Variants in REPIN1 observed in about 807,000 individuals in gnomAD.
REPIN1 encodes the protein DNA-binding protein REPIN1.
Under a neutral mutation model 5.7 loss-of-function variants are expected in REPIN1, and 4 were observed. That is an observed-to-expected ratio of 0.71 (90% CI 0.35 to 1.62). The LOEUF (loss-of-function observed/expected upper bound fraction) is 1.62, where lower values mean the gene tolerates loss of function less well. Ranked by LOEUF, REPIN1 falls within the 40% of genes most tolerant of loss-of-function variation. The probability of loss-of-function intolerance (pLI) is 0.05; values close to 1 mark genes in which losing one functional copy is unlikely to be tolerated. For synonymous variants in REPIN1, 410 were observed against 386.2 expected (o/e 1.06, Z -0.72); for missense variants, 854 against 901.0 (o/e 0.95, Z 0.67).
At position 150,371,434 on chromosome 7, in the gene REPIN1, C is replaced by A; in HGVS notation, c.364C>A (p.His122Asn). Residue 122 changes from histidine to asparagine, a missense_variant, in exon 3 of 3, where the codon CAC (histidine) becomes AAC (asparagine). His to Asn is a moderately conservative substitution (Grantham distance 68). Transcript: ENST00000489432. ...CCATCGCTGTGCCCACTGTCGAAGG[C>A]ACTTCCCTGGCTGGGTGGCTCTGTG... ...RAHRCAHCRR[H>N]FPGWVALWLH... 6.2e-7 allele frequency: 1 copy of A among 1,604,268 alleles called. No homozygotes were observed. The highest frequency in any genetic ancestry group is 8.5e-7 in the Non-Finnish European group (1 of 1,177,308).
intron 1 of REPIN1, 41 bp from the exon 2 acceptor site, chr7:150,369,630 A>T (rs958995124): frequency 6.3e-6 from 10 of 1,582,092 alleles, no homozygotes; most frequent in Non-Finnish European, 7.7e-6. Flanking sequence ...GCCCTAGAGG[A>T]GCTCAGAGCC....
intron 2 of REPIN1, chr7:150,370,366 G>C (rs569697389): frequency 3.6e-6 from 1 of 280,928 alleles, no homozygotes; most frequent in Non-Finnish European, 6.9e-6. Context: ...CTTCCTTCCT[G>C]CAATGTCCTA....
rs1379150511 is a variant in REPIN1, at chr7:150,372,443, G to A, written c.1373G>A (p.Arg458Gln). Reference sequence around the variant, plus strand: ...CACCAGCGGCAGCACACCGGGGAGCGGCCCTTCACCTGCGCCGAGTGCGGG... The same window carrying A: ...CACCAGCGGCAGCACACCGGGGAGCAGCCCTTCACCTGCGCCGAGTGCGGG... ...RAHQRQHTGE[R>Q]PFTCAECGKN... Residue 458 changes from arginine to glutamine, a missense_variant, in exon 3 of 3, where the codon CGG (arginine) becomes CAG (glutamine). Physicochemically the swap from Arg to Gln is conservative, Grantham distance 43. Around this residue, in one of 5 missense-constraint regions of REPIN1, gnomAD observed 327 missense variants for 307.8 expected, o/e 1.06. Coordinates refer to ENST00000489432, the MANE Select transcript of REPIN1 (RefSeq NM_001099695.2). 1 of 1,519,534 alleles carries A rather than the reference G, an allele frequency of 6.6e-7. No homozygotes were observed. The highest frequency in any genetic ancestry group is 8.8e-7 in the Non-Finnish European group (1 of 1,140,774). The allele number at this position is 1,519,534 out of a possible 1,614,324, so 94.1% of individuals were successfully genotyped here. A position where few individuals can be genotyped will look rare whatever the true frequency, so the allele number is the denominator to read the frequency against.
At position 150,372,334 on chromosome 7, in the gene REPIN1, C is replaced by A; in HGVS notation, c.1264C>A (p.Gln422Lys). Residue 422 changes from glutamine (Q) to lysine (K), a missense_variant, in exon 3 of 3, where the codon CAG becomes AAG. Gln to Lys is a moderately conservative substitution (Grantham distance 53, BLOSUM62 1). Transcript: ENST00000489432. ...GCCAGGGGCCCCGCCAGAGCACCCG[C>A]AGGACCCGATCGAAGCCCCCCCCTC... Reference protein sequence around the residue: ...PPPGAPPEHPQDPIEAPPSLY... With the variant: ...PPPGAPPEHPKDPIEAPPSLY... 1 of 1,522,552 alleles carries A rather than the reference C, an allele frequency of 6.6e-7. No homozygotes were observed. Among genetic ancestry groups the A allele is most frequent in the Middle Eastern group, 1.7e-4 (1 of 5,926 alleles). The allele number at this position is 1,522,552 out of a possible 1,614,324, so 94.3% of individuals were successfully genotyped here.
In REPIN1 at chr7:150,372,042, C is replaced by G; in HGVS notation, c.972C>G (p.Pro324=). 6.2e-7 allele frequency: 1 copy of G among 1,612,182 alleles called. No homozygotes were observed. Among genetic ancestry groups the G allele is most frequent in the Non-Finnish European group, 8.5e-7 (1 of 1,179,672 alleles). ...VHTGERPHQC[P]ECGKRFTNKP... The stretch of plus-strand genomic sequence containing the variant: ...CGGGCGAGCGGCCCCACCAGTGCCC[C>G]GAGTGCGGGAAGCGCTTTACCAATA... The change falls in exon 3 of 3, where the codon CCC becomes CCG. Residue 324 remains proline (P), a synonymous_variant. Transcript: ENST00000489432.
chr7:150,368,731 C>T (rs1318338303), upstream of REPIN1: 4 of 262,566 alleles, frequency 1.5e-5, no homozygotes, highest in African/African-American at 9.1e-5. Context: ...CCCCAGGCCG[C>T]GGCCGCGGGA....
In REPIN1 at chr7:150,369,679, G is replaced by A. The variant is rs758145734; in HGVS notation, c.-33G>A. On this transcript the variant is annotated 5_prime_UTR_variant, in exon 2 of 3. Transcript: ENST00000489432. ...CTCTTCCCTCCCCACAGGTAAGGCT[G>A]GCCTCTCTGCAGTCAGAGGTCTGAG... The A allele has an allele frequency of 6.2e-7, 1 of 1,613,614 alleles. No individual in the cohort carries two copies. Among genetic ancestry groups the A allele is most frequent in the Non-Finnish European group, 8.5e-7 (1 of 1,179,786 alleles).
In REPIN1 at chr7:150,372,543, G is replaced by T. The variant is rs772191581; in HGVS notation, c.1473G>T (p.Glu491Asp). The change falls in exon 3 of 3, where the codon GAG becomes GAT. Residue 491 changes from glutamate to aspartate, a missense_variant. Glu to Asp is a conservative substitution (Grantham distance 45). Around this residue, in one of 5 missense-constraint regions of REPIN1, gnomAD observed 327 missense variants for 307.8 expected, o/e 1.06. Transcript: ENST00000489432. Reference protein sequence around the residue: ...VHSGERPFACEECGRRFSQGS... With the variant: ...VHSGERPFACDECGRRFSQGS... The stretch of plus-strand genomic sequence containing the variant: ...CCGGCGAGCGGCCCTTCGCCTGCGA[G>T]GAGTGCGGCCGCCGCTTCTCCCAGG... The T allele has an allele frequency of 6.4e-7, 1 of 1,567,948 alleles. No homozygotes were observed. Among genetic ancestry groups the T allele is most frequent in the Non-Finnish European group, 8.6e-7 (1 of 1,163,378 alleles).
chr7:150,372,764 T>G lies in REPIN1; in HGVS notation c.1694T>G (p.Ile565Ser). The G allele has an allele frequency of 6.2e-7, 1 of 1,612,074 alleles. No homozygotes were observed. Among genetic ancestry groups the G allele is most frequent in the South Asian group, 1.1e-5 (1 of 91,060 alleles). ...QKSNLVSHRR[I>S]HTGERPYACP... is the part of the protein sequence containing the mutation. ...TCCAACCTGGTGTCGCACCGGCGCA[T>G]CCACACGGGCGAGCGGCCCTACGCC... The change falls in exon 3 of 3, where the codon ATC (isoleucine) becomes AGC (serine). Residue 565 changes from isoleucine to serine, a missense_variant. By Grantham distance (142) the Ile-to-Ser change is moderately radical. This residue lies in a region of REPIN1 where 101 missense variants were observed against 124.7 expected (regional missense o/e 0.81). Coordinates refer to ENST00000489432, the MANE Select transcript of REPIN1 (RefSeq NM_001099695.2).
chr7:150,368,811 A>C, upstream of REPIN1: 1 of 298,748 alleles, frequency 3.3e-6, no homozygotes, highest in Non-Finnish European at 6.0e-6. Context: ...GAGGTTGGGG[A>C]CGGGCCTGGC....
rs570809907 is a variant in REPIN1 at position 150,369,279 on chromosome 7, C to T, written c.-42+338C>T. ...ACGGAGTCGTGGTCACACCAGCTGG[C>T]CCTGCGCAGCCCCATGGGAAATAGG... On this transcript the variant is annotated intron_variant, in intron 1 of 2. Transcript: ENST00000489432. 3 of 407,318 alleles carry T rather than the reference C, an allele frequency of 7.4e-6. No homozygotes were observed. In the South Asian group the frequency reaches 1.1e-4, roughly 15 times the overall value. 25.2% of individuals were successfully genotyped at this position (407,318 alleles called of 1,614,324 possible).
At position 150,372,269 on chromosome 7, in the gene REPIN1, C is replaced by T. The variant is rs779513077; in HGVS notation, c.1199C>T (p.Pro400Leu). 2 of 1,516,944 alleles carry T rather than the reference C, an allele frequency of 1.3e-6. No individual in the cohort carries two copies. Among genetic ancestry groups the T allele is most frequent in the Non-Finnish European group, 1.8e-6 (2 of 1,139,956 alleles). 94.0% of individuals were successfully genotyped at this position (1,516,944 alleles called of 1,614,324 possible). ...PAGPQESAAEPTPAVPLKPAQ... is the reference protein window; with the variant it reads ...PAGPQESAAELTPAVPLKPAQ... ...GGCCCCCAGGAGTCCGCGGCCGAGCCCACCCCGGCGGTACCTCTGAAACCG... is the reference window on the plus strand; with the variant it reads ...GGCCCCCAGGAGTCCGCGGCCGAGCTCACCCCGGCGGTACCTCTGAAACCG... The change falls in exon 3 of 3, where the codon CCC becomes CTC. Residue 400 changes from proline to leucine, a missense_variant. Physicochemically the swap from Pro to Leu is moderately conservative, Grantham distance 98. Transcript: ENST00000489432.
At chr7:150,368,714 T>A, upstream of REPIN1, 2 of 242,200 alleles carry the variant, frequency 8.3e-6, no homozygotes, top group Non-Finnish European at 1.5e-5. Flanking sequence ...CGGCAGTCCC[T>A]CCCCGCCCCC....
At position 150,372,221 on chromosome 7, in the gene REPIN1, C is replaced by G. The variant is rs574603840; in HGVS notation, c.1151C>G (p.Pro384Arg). 1 of 1,570,192 alleles carries G rather than the reference C, an allele frequency of 6.4e-7. No individual in the cohort carries two copies. Among genetic ancestry groups the G allele is most frequent in the South Asian group, 1.1e-5 (1 of 87,514 alleles). The change falls in exon 3 of 3, where the codon CCG becomes CGG. Residue 384 changes from proline to arginine, a missense_variant. Around this residue, in one of 5 missense-constraint regions of REPIN1, gnomAD observed 327 missense variants for 307.8 expected, o/e 1.06. Transcript: ENST00000489432. ...GGGTCGGCCCAGGCCGCCCCCGGCC[C>G]GGGGAGCCCCCAGCTGCCAGCCGGC... is the stretch of plus-strand genomic sequence containing the variant. The part of the protein sequence containing the change: ...SEGSAQAAPG[P>R]GSPQLPAGPQ...
Position 150,372,309 on chromosome 7 carries a change from G to T in REPIN1, c.1239G>T (p.Pro413=), listed in dbSNP as rs773234784. 7.5e-7 allele frequency: 1 copy of T among 1,333,068 alleles called. No homozygotes were observed. 82.6% of individuals were successfully genotyped at this position (1,333,068 alleles called of 1,614,324 possible). ...AVPLKPAQEP[P]PGAPPEHPQD... ...CTCTGAAACCGGCCCAGGAGCCGCC[G>T]CCAGGGGCCCCGCCAGAGCACCCGC... The change falls in exon 3 of 3, where the codon CCG becomes CCT. Residue 413 remains proline (P), a synonymous_variant. Coordinates refer to ENST00000489432, the MANE Select transcript of REPIN1 (RefSeq NM_001099695.2).
rs1799980719 is a variant in REPIN1, at chr7:150,372,656, C to A, written c.1586C>A (p.Pro529His). The change falls in exon 3 of 3, where the codon CCC becomes CAC. Residue 529 changes from proline to histidine, a missense_variant. Coordinates refer to ENST00000489432, the MANE Select transcript of REPIN1 (RefSeq NM_001099695.2). ...PDCGKAFRHKPYLAAHRRIHT... is the reference protein window; with the variant it reads ...PDCGKAFRHKHYLAAHRRIHT... ...TGCGGCAAGGCCTTCCGCCACAAACCCTACCTGGCGGCGCACCGGCGCATC... is the reference window on the plus strand; with the variant it reads ...TGCGGCAAGGCCTTCCGCCACAAACACTACCTGGCGGCGCACCGGCGCATC... The A allele has an allele frequency of 6.2e-7, 1 of 1,611,992 alleles. No individual in the cohort carries two copies. Among genetic ancestry groups the A allele is most frequent in the Non-Finnish European group, 8.5e-7 (1 of 1,179,780 alleles).
At position 150,372,382 on chromosome 7, in the gene REPIN1, G is replaced by C. The variant is rs778653475; in HGVS notation, c.1312G>C (p.Gly438Arg). Residue 438 changes from glycine to arginine, a missense_variant, in exon 3 of 3, where the codon GGC (glycine) becomes CGC (arginine). By Grantham distance (125) the Gly-to-Arg change is moderately radical. Transcript: ENST00000489432. ...PPSLYSCDDC[G>R]RSFRLERFLR... ...CTCCCTCTACAGCTGCGACGACTGC[G>C]GCAGGAGCTTCCGGCTGGAGCGCTT... 3 of 1,490,644 alleles carry C rather than the reference G, an allele frequency of 2.0e-6. No individual in the cohort carries two copies. Among genetic ancestry groups the C allele is most frequent in the Non-Finnish European group, 2.7e-6 (3 of 1,127,268 alleles). 92.3% of individuals were successfully genotyped at this position (1,490,644 alleles called of 1,614,324 possible).
intron 2 of REPIN1, chr7:150,370,863 G>A (rs1188376916): frequency 2.9e-6 from 2 of 701,136 alleles, no homozygotes; most frequent in Non-Finnish European, 5.2e-6. Context: ...GGCACTGTAG[G>A]GAGCAGTGGC....
chr7:150,370,032 AGTG>A, intron 2 of REPIN1, 164 bp downstream of exon 2: 1 of 821,846 alleles, frequency 1.2e-6, no homozygotes, highest in South Asian at 2.1e-5. Flanking sequence ...GAGAAGAGAG[AGTG>A]CGCTCTAGGG....
Sources: allele counts gnomAD v4.1 joint callset, GRCh38; gene constraint gnomAD v4.1.1; regional missense constraint gnomAD v4.1.1; transcripts MANE v1.5; gene names NCBI Gene and HGNC (gene_info 2026-07-23, HGNC 2026-07-21).